Variants in MAST2 observed in about 807,000 individuals in gnomAD.
The protein encoded by MAST2 is microtubule associated serine/threonine kinase 2.
Under a neutral mutation model 147.4 loss-of-function variants are expected in MAST2, and 70 were observed. That is an observed-to-expected ratio of 0.47 (90% CI 0.39 to 0.58). The LOEUF (loss-of-function observed/expected upper bound fraction) is 0.58, where lower values mean the gene tolerates loss of function less well. Among genes scored for constraint, MAST2 ranks in the 20% least tolerant of loss-of-function variants. The pLI is 0.00. For synonymous variants in MAST2, 869 were observed against 896.8 expected, an observed-to-expected ratio of 0.97 and a Z score of 0.55; for missense variants, 2,080 against 2,302.3, an observed-to-expected ratio of 0.90 and a Z score of 1.98.
chr1:45,973,040 G>A (rs1643983376), intron 5 of MAST2, among the ~76,000 whole-genome samples: 1 of 152,038 alleles, frequency 6.6e-6, no homozygotes, highest in Admixed American at 6.6e-5. Flanking sequence ...TCATTAATTT[G>A]TATCATTTAG....
At chr1:45,807,993 A>G (rs902052767) in intron 1 of MAST2, among the ~76,000 whole-genome samples, 5 of 152,246 alleles carry the variant, frequency 3.3e-5, no homozygotes, top group Admixed American at 1.3e-4. Context: ...CTGATCAGCA[A>G]GCATCTACAT....
chr1:45,871,045 A>G (rs1214506974), intron 3 of MAST2, among the ~76,000 whole-genome samples: 3 of 150,022 alleles, frequency 2.0e-5, no homozygotes, highest in African/African-American at 4.9e-5. Flanking sequence ...TGCTTTTGGT[A>G]TATCTCTTGC....
At chr1:46,029,311 A>G in intron 18 of MAST2, 155 bp from the exon 19 acceptor site, 1 of 603,178 alleles carries the variant, frequency 1.7e-6, no homozygotes, top group East Asian at 2.8e-5. Flanking sequence ...CTAGGAACCT[A>G]TAGAATTTAA....
intron 4 of MAST2, among the ~76,000 whole-genome samples, chr1:45,908,460 C>G (rs2148549389): frequency 6.6e-6 from 1 of 152,206 alleles, no homozygotes; most frequent in South Asian, 2.1e-4. Context: ...TAACTGTATT[C>G]CATAATTTGG....
chr1:45,921,542 C>T (rs542031483), intron 4 of MAST2, among the ~76,000 whole-genome samples: 2 of 152,182 alleles, frequency 1.3e-5, no homozygotes, highest in Non-Finnish European at 2.9e-5. Flanking sequence ...CCACTGCACG[C>T]AGTCAGGCAT....
At chr1:45,888,635 T>TA (rs943021739) in intron 4 of MAST2, among the ~76,000 whole-genome samples, 10 of 145,476 alleles carry the variant, frequency 6.9e-5, no homozygotes, top group Non-Finnish European at 1.5e-4. Context: ...GTGCTGGGAT[T>TA]ACAGGCGTGA....
chr1:45,892,874 A>G (rs1648070645), intron 4 of MAST2, among the ~76,000 whole-genome samples: 2 of 152,376 alleles, frequency 1.3e-5, no homozygotes, highest in African/African-American at 4.8e-5. Flanking sequence ...AGCAAACTGT[A>G]AGAGATTATT....
rs991621886 is a variant in MAST2 at position 46,022,926 on chromosome 1, C to T, written c.1440C>T (p.Ser480=). 15 of 1,614,130 alleles carry T rather than the reference C, an allele frequency of 9.3e-6. No individual in the cohort carries two copies. Among genetic ancestry groups the T allele is most frequent in the Non-Finnish European group, 1.3e-5 (15 of 1,179,950 alleles). Residue 480 remains serine (S), a synonymous_variant, in exon 13 of 29, where the codon AGC becomes AGT. Coordinates refer to ENST00000361297, the MANE Select transcript of MAST2 (RefSeq NM_015112.3). The part of the protein sequence containing the change: ...RDPLEEMAQL[S]SCDSPDTPET... The stretch of plus-strand genomic sequence containing the variant: ...TGTTTCCAGAAATGGCCCAGTTGAG[C>T]AGCTGTGACAGTCCTGACACTCCAG...
At chr1:45,961,923 C>T (rs1660478852) in intron 5 of MAST2, among the ~76,000 whole-genome samples, 1 of 149,702 alleles carries the variant, frequency 6.7e-6, no homozygotes, top group African/African-American at 2.5e-5. Flanking sequence ...CCTCCCCCAT[C>T]CCCCCACCCC....
chr1:45,957,341 G>A (rs1255641305), intron 4 of MAST2, among the ~76,000 whole-genome samples: 5 of 152,024 alleles, frequency 3.3e-5, no homozygotes, highest in Admixed American at 1.3e-4. Context: ...TTGTAGTTTC[G>A]GGCTTTCACA....
At chr1:45,980,388 A>G (rs982191587) in intron 5 of MAST2, among the ~76,000 whole-genome samples, 8 of 152,174 alleles carry the variant, frequency 5.3e-5, no homozygotes, top group Non-Finnish European at 8.8e-5. Context: ...GATGAGATCA[A>G]TCGTACCCCA....
chr1:45,805,125 C>T (rs1471124148), intron 1 of MAST2, among the ~76,000 whole-genome samples: 3 of 151,062 alleles, frequency 2.0e-5, no homozygotes, highest in Admixed American at 6.6e-5. Context: ...TTTCGGCTCA[C>T]TGCAACCTCC....
chr1:45,993,260 C>T (rs1309594450), intron 5 of MAST2, among the ~76,000 whole-genome samples: 1 of 152,142 alleles, frequency 6.6e-6, no homozygotes, highest in Non-Finnish European at 1.5e-5. Context: ...CATATTTCCA[C>T]CTGGCATCCT....
intron 5 of MAST2, among the ~76,000 whole-genome samples, chr1:45,967,427 G>A (rs1570977041): frequency 6.6e-6 from 1 of 152,040 alleles, no homozygotes; most frequent in East Asian, 1.9e-4. Context: ...CTGTTGACCA[G>A]AAGCCTTACT....
intron 4 of MAST2, among the ~76,000 whole-genome samples, chr1:45,936,573 T>G (rs1482829571): frequency 6.6e-6 from 1 of 152,134 alleles, no homozygotes; most frequent in Non-Finnish European, 1.5e-5. Context: ...GTCTGATCAT[T>G]TTTTCCTCTG....
intron 4 of MAST2, among the ~76,000 whole-genome samples, chr1:45,931,083 C>G (rs1261712185): frequency 6.6e-6 from 1 of 152,212 alleles, no homozygotes; most frequent in African/African-American, 2.4e-5. Context: ...ACCATCTAAT[C>G]TACAAGTTTA....
rs144671335 is a variant in MAST2, at chr1:45,868,161, T to C, written c.469-14203T>C. Among the ~76,000 whole-genome samples the C allele has an allele frequency of 4.3e-3, 649 of 152,296 alleles. 5 individuals carry two copies. The highest frequency in any genetic ancestry group is 0.015 in the African/African-American group (605 of 41,560). On this transcript the variant is annotated intron_variant, in intron 3 of 28. Transcript: ENST00000361297. Reference sequence around the variant, plus strand: ...GAAAAGCTGTTCAAGTTGGGTCTTTTTTGTGGTAAAAATTGGCTTTCATCT... The same window carrying C: ...GAAAAGCTGTTCAAGTTGGGTCTTTCTTGTGGTAAAAATTGGCTTTCATCT...
At chr1:45,989,023 G>A (rs189430351) in intron 5 of MAST2, among the ~76,000 whole-genome samples, 1 of 151,964 alleles carries the variant, frequency 6.6e-6, no homozygotes, top group Non-Finnish European at 1.5e-5. Flanking sequence ...TTTCTACTGG[G>A]GTGTCCTTTT....
At chr1:45,976,597 T>A (rs1315914952) in intron 5 of MAST2, among the ~76,000 whole-genome samples, 1 of 152,206 alleles carries the variant, frequency 6.6e-6, no homozygotes, top group African/African-American at 2.4e-5. Context: ...CAGCTTTAAC[T>A]TTTTATTCAA....
Sources: gnomAD v4.1 joint callset for allele counts (sites outside exome capture counted in the v4.1 genomes callset) on GRCh38, gnomAD v4.1.1 for gene constraint, MANE v1.5 for transcripts, NCBI Gene and HGNC (gene_info 2026-07-23, HGNC 2026-07-21) for gene names.